Variants in TRAK1 observed in about 807,000 individuals in gnomAD.
TRAK1 encodes the protein trafficking kinesin-binding protein 1.
Under a neutral mutation model 92.1 loss-of-function variants are expected in TRAK1, and 33 were observed. That is an observed-to-expected ratio of 0.36 (90% confidence interval 0.27 to 0.48). The LOEUF (loss-of-function observed/expected upper bound fraction) is 0.48, where lower values mean the gene tolerates loss of function less well. Ranked by LOEUF, TRAK1 falls within the 20% of genes least tolerant of loss-of-function variation. The pLI is 0.99. For missense variants in TRAK1, 1,123 were observed against 1,257.9 expected, an observed-to-expected ratio of 0.89 and a Z score of 1.62; for synonymous variants, 521 against 517.3, an observed-to-expected ratio of 1.01 and a Z score of -0.10.
intron 1 of TRAK1, among the ~76,000 whole-genome samples, chr3:42,043,613 G>C (rs1379955670): frequency 4.1e-5 from 6 of 147,862 alleles, no homozygotes; most frequent in Admixed American, 4.0e-4. Context: ...TCTCCATGGA[G>C]CTGGGGGGGG....
At chr3:42,160,279 A>T in intron 2 of TRAK1, 1 of 1,573,818 alleles carries the variant, frequency 6.4e-7, no homozygotes, top group Non-Finnish European at 8.6e-7. Context: ...CCAGGCCTGC[A>T]TGGCTCCTCT....
At chr3:42,207,896 G>T (rs1383550759) in intron 13 of TRAK1, among the ~76,000 whole-genome samples, 2 of 152,214 alleles carry the variant, frequency 1.3e-5, no homozygotes, top group African/African-American at 2.4e-5. Flanking sequence ...GGACCAGTTT[G>T]TTCTTTGTTG....
At chr3:42,032,100 G>A (rs56289363) in intron 1 of TRAK1, among the ~76,000 whole-genome samples, 17,624 of 152,160 alleles carry the variant, frequency 0.12, 3,167 homozygotes, top group African/African-American at 0.38. Context: ...AGTGCTTAGC[G>A]GGTTTCCTTT....
rs779267051 is a variant in TRAK1, at chr3:42,194,904, C to T, written c.1076C>T (p.Thr359Met). The T allele has an allele frequency of 8.1e-6, 13 of 1,613,892 alleles. No individual in the cohort carries two copies. Among genetic ancestry groups the T allele is most frequent in the South Asian group, 3.3e-5 (3 of 91,006 alleles). Residue 359 changes from threonine to methionine, a missense_variant, in exon 10 of 16, where the codon ACG becomes ATG. Thr to Met is a moderately conservative substitution (Grantham distance 81). Transcript: ENST00000327628. ...CGGAACAAAACCATGCCCAATACCA[C>T]GTCTCGGCGCTACCACTCACTGGGC... The part of the protein sequence containing the change: ...NLRNKTMPNT[T>M]SRRYHSLGLF...
chr3:42,139,298 C>T (rs111580700), intron 2 of TRAK1, among the ~76,000 whole-genome samples: 5 of 152,104 alleles, frequency 3.3e-5, no homozygotes, highest in African/African-American at 9.6e-5. Flanking sequence ...TATGCGGTCT[C>T]TTTCTTGGGC....
intron 1 of TRAK1, among the ~76,000 whole-genome samples, chr3:42,046,268 A>G (rs1017937573): frequency 3.3e-5 from 5 of 151,882 alleles, no homozygotes; most frequent in African/African-American, 1.2e-4. Flanking sequence ...CTTGATAATC[A>G]TGGTTTTGAC....
intron 2 of TRAK1, among the ~76,000 whole-genome samples, chr3:42,153,901 G>A (rs1464229718): frequency 2.6e-5 from 4 of 152,128 alleles, no homozygotes; most frequent in Non-Finnish European, 5.9e-5. Context: ...TGATGCGCCC[G>A]TGAAGGTAGA....
At chr3:42,112,767 T>TTTTG (rs1020669616) in intron 1 of TRAK1, among the ~76,000 whole-genome samples, 3 of 150,816 alleles carry the variant, frequency 2.0e-5, no homozygotes, top group Non-Finnish European at 3.0e-5. Flanking sequence ...CCAACTAATT[T>TTTTG]TTTGTTTGTT....
At chr3:42,044,794 C>T (rs916836209) in intron 1 of TRAK1, among the ~76,000 whole-genome samples, 3 of 152,028 alleles carry the variant, frequency 2.0e-5, no homozygotes, top group Non-Finnish European at 2.9e-5. Context: ...GAAACAGCCA[C>T]GAGTCTGCTG....
At chr3:42,126,145 CTT>C (rs777698681) in intron 2 of TRAK1, among the ~76,000 whole-genome samples, 19 of 144,662 alleles carry the variant, frequency 1.3e-4, no homozygotes, top group Non-Finnish European at 1.2e-4. Context: ...TGGGAGCCAA[CTT>C]TTTTTTTTTT....
In TRAK1 at chr3:42,199,259, G is replaced by A; in HGVS notation, c.1190+6G>A. 6.2e-7 allele frequency: 1 copy of A among 1,613,940 alleles called. No individual in the cohort carries two copies. The highest frequency in any genetic ancestry group is 8.5e-7 in the Non-Finnish European group (1 of 1,179,972). On this transcript the variant is annotated splice_donor_region_variant and intron_variant, in intron 11 of 15. Transcript: ENST00000327628. ...GCCGAGTCTCCAGACATCACGTACG[G>A]CCACAGTTTTTACAGTTTTGAGATT...
At chr3:42,212,084 C>T in intron 14 of TRAK1, 1 of 985,338 alleles carries the variant, frequency 1.0e-6, no homozygotes, top group Non-Finnish European at 1.2e-6. Flanking sequence ...AATTACAGGA[C>T]CATTTTGATT....
intron 1 of TRAK1, among the ~76,000 whole-genome samples, chr3:42,068,368 G>A (rs1057364778): frequency 2.0e-5 from 3 of 152,096 alleles, no homozygotes; most frequent in African/African-American, 4.8e-5. Context: ...GTTTCACTAT[G>A]TTGCCCAGGC....
intron 1 of TRAK1, among the ~76,000 whole-genome samples, chr3:42,099,267 G>T (rs1312914773): frequency 6.6e-6 from 1 of 152,110 alleles, no homozygotes; most frequent in Admixed American, 6.5e-5. Context: ...CTGATGGGTG[G>T]ACGAGTGGGC....
chr3:42,014,731 G>A lies in TRAK1; in HGVS notation c.-519+614G>A, dbSNP rs1324586374. On this transcript the variant is annotated intron_variant, in intron 1 of 16. Coordinates refer to the TRAK1 transcript ENST00000487159. ...TTTAAGCTTGCCTGTTTTAGAACCC[G>A]TGGCTGCACTTGTTCAGACACTGAA... Among the ~76,000 whole-genome samples the A allele has an allele frequency of 6.6e-5, 10 of 152,050 alleles. 1 individual carries two copies. The highest frequency in any genetic ancestry group is 1.2e-4 in the Non-Finnish European group (8 of 68,020).
intron 2 of TRAK1, among the ~76,000 whole-genome samples, chr3:42,171,723 A>T (rs965252257): frequency 3.3e-5 from 5 of 152,042 alleles, no homozygotes; most frequent in African/African-American, 1.2e-4. Flanking sequence ...GGGGTCTTCA[A>T]TTCCAGTCAC....
At chr3:42,097,731 T>C (rs1459942732) in intron 1 of TRAK1, among the ~76,000 whole-genome samples, 3 of 152,236 alleles carry the variant, frequency 2.0e-5, no homozygotes, top group Non-Finnish European at 4.4e-5. Context: ...ATTCTGGATT[T>C]TGAATACCAT....
At chr3:42,128,197 A>G (rs1290291707) in intron 2 of TRAK1, among the ~76,000 whole-genome samples, 1 of 152,182 alleles carries the variant, frequency 6.6e-6, no homozygotes, top group Non-Finnish European at 1.5e-5. Flanking sequence ...ACAAACAAAC[A>G]AACGAAAAAA....
At chr3:42,211,581 T>C in intron 14 of TRAK1, 1 of 985,436 alleles carries the variant, frequency 1.0e-6, no homozygotes, top group Non-Finnish European at 1.2e-6. Context: ...TTATGTTGAT[T>C]GGGATGCTCC....
Sources: allele counts gnomAD v4.1 joint callset (sites outside exome capture counted in the v4.1 genomes callset), GRCh38; gene constraint gnomAD v4.1.1; transcripts MANE v1.5; gene names NCBI Gene and HGNC (gene_info 2026-07-23, HGNC 2026-07-21).